Variants in NELL2 observed in about 807,000 individuals in gnomAD.
NELL2 encodes neural EGFL like 2, also known as protein kinase C-binding protein NELL2.
NELL2 carries 41 observed loss-of-function variants against 109.6 expected under a neutral mutation model. The observed-to-expected ratio is 0.37, with a 90% confidence interval of 0.29 to 0.49. The LOEUF (loss-of-function observed/expected upper bound fraction) is 0.49, where lower values mean the gene tolerates loss of function less well. Among genes scored for constraint, NELL2 ranks in the 20% least tolerant of loss-of-function variants. The pLI is 0.98. For missense variants in NELL2, 900 were observed against 1,008.3 expected, an observed-to-expected ratio of 0.89 and a Z score of 1.45; for synonymous variants, 355 against 344.7, an observed-to-expected ratio of 1.03 and a Z score of -0.33.
chr12:44,830,887 C>T (rs1943866300), intron 2 of NELL2, among the ~76,000 whole-genome samples: 1 of 151,820 alleles, frequency 6.6e-6, no homozygotes, highest in South Asian at 2.1e-4. Flanking sequence ...AAATCTCATT[C>T]TCTCCCTCTC....
chr12:44,646,189 C>T (rs1947089665), intron 13 of NELL2, among the ~76,000 whole-genome samples: 1 of 152,020 alleles, frequency 6.6e-6, no homozygotes, highest in Non-Finnish European at 1.5e-5. Context: ...TATATTAACT[C>T]ATCTAATCCT....
intron 12 of NELL2, among the ~76,000 whole-genome samples, chr12:44,679,612 T>A (rs1948429966): frequency 1.3e-5 from 2 of 152,038 alleles, no homozygotes; most frequent in South Asian, 4.1e-4. Flanking sequence ...GTTTCCCAAA[T>A]GCCTGCTTTA....
intron 1 of NELL2, among the ~76,000 whole-genome samples, chr12:44,886,857 C>T (rs1945479195): frequency 6.6e-6 from 1 of 151,966 alleles, no homozygotes; most frequent in African/African-American, 2.4e-5. Context: ...AATATAATCT[C>T]TGTCTTTATG....
At chr12:44,698,831 G>T (rs899559367) in intron 12 of NELL2, among the ~76,000 whole-genome samples, 1 of 152,080 alleles carries the variant, frequency 6.6e-6, no homozygotes, top group Non-Finnish European at 1.5e-5. Flanking sequence ...TTGGTATAAT[G>T]TCAAAGGCTT....
At chr12:44,723,901 A>G (rs1466036864) in intron 9 of NELL2, among the ~76,000 whole-genome samples, 1 of 152,102 alleles carries the variant, frequency 6.6e-6, no homozygotes, top group East Asian at 1.9e-4. Context: ...ATATATACCC[A>G]AGGAAAATAA....
At chr12:44,768,416 T>C (rs1941419181) in intron 9 of NELL2, among the ~76,000 whole-genome samples, 1 of 152,156 alleles carries the variant, frequency 6.6e-6, no homozygotes, top group Non-Finnish European at 1.5e-5. Flanking sequence ...TATTTGTCTT[T>C]AGAGAAAACA....
chr12:44,515,300 T>C (rs527923299), intron 19 of NELL2, among the ~76,000 whole-genome samples: 3 of 152,042 alleles, frequency 2.0e-5, no homozygotes, highest in African/African-American at 7.2e-5. Context: ...CAATATACTA[T>C]GTGGCTAAAT....
At chr12:44,817,987 T>C (rs899084331) in intron 2 of NELL2, among the ~76,000 whole-genome samples, 1 of 152,154 alleles carries the variant, frequency 6.6e-6, no homozygotes, top group Non-Finnish European at 1.5e-5. Flanking sequence ...GGGACAGTTG[T>C]TCAAAGTTTT....
chr12:44,913,642 T>C (rs920422900), intron 1 of NELL2, among the ~76,000 whole-genome samples: 16 of 152,128 alleles, frequency 1.1e-4, no homozygotes, highest in Admixed American at 7.9e-4. Flanking sequence ...TAACATACTA[T>C]AAAATTCGTA....
intron 15 of NELL2, among the ~76,000 whole-genome samples, chr12:44,569,923 A>G (rs1272616685): frequency 6.6e-6 from 1 of 152,120 alleles, no homozygotes; most frequent in Non-Finnish European, 1.5e-5. Flanking sequence ...ATTTCAAGGC[A>G]CTTCAACAGG....
chr12:44,510,344 A>G (rs1326378043), intron 19 of NELL2, among the ~76,000 whole-genome samples: 1 of 152,228 alleles, frequency 6.6e-6, no homozygotes, highest in Admixed American at 6.5e-5. Flanking sequence ...AAGCTTAAAT[A>G]TCATGTCCAA....
chr12:44,757,358 T>C (rs763517300), intron 9 of NELL2, among the ~76,000 whole-genome samples: 2 of 152,132 alleles, frequency 1.3e-5, no homozygotes, highest in African/African-American at 2.4e-5. Context: ...TAATACTTAA[T>C]CATGTCATAC....
intron 9 of NELL2, among the ~76,000 whole-genome samples, chr12:44,753,994 G>T (rs1265471024): frequency 6.6e-6 from 1 of 152,170 alleles, no homozygotes; most frequent in East Asian, 1.9e-4. Flanking sequence ...ATTTTGAGGT[G>T]GAAAATTCGT....
chr12:44,753,694 T>TAA (rs1940756335), intron 9 of NELL2, among the ~76,000 whole-genome samples: 1 of 152,196 alleles, frequency 6.6e-6, no homozygotes, highest in Non-Finnish European at 1.5e-5. Context: ...TATATATATA[T>TAA]AATCTGTATA....
intron 11 of NELL2, among the ~76,000 whole-genome samples, chr12:44,706,300 G>A (rs1937875178): frequency 6.6e-6 from 1 of 152,096 alleles, no homozygotes; most frequent in African/African-American, 2.4e-5. Context: ...TGAACCTACT[G>A]GTTATTTTGC....
intron 19 of NELL2, among the ~76,000 whole-genome samples, chr12:44,511,246 C>G (rs1461176603): frequency 6.6e-6 from 1 of 152,126 alleles, no homozygotes; most frequent in Admixed American, 6.6e-5. Flanking sequence ...AATAAAGCAT[C>G]CTACTTGGGT....
At chr12:44,722,392 C>T (rs1408023230) in intron 9 of NELL2, among the ~76,000 whole-genome samples, 1 of 152,124 alleles carries the variant, frequency 6.6e-6, no homozygotes. Context: ...TTTTGAAGTC[C>T]TGACCTCAAG....
chr12:44,672,952 G>C (rs615760), intron 12 of NELL2, among the ~76,000 whole-genome samples: 13 of 151,858 alleles, frequency 8.6e-5, no homozygotes, highest in African/African-American at 1.2e-4. Flanking sequence ...AAACAAAAAG[G>C]CTATTGAATA....
intron 1 of NELL2, among the ~76,000 whole-genome samples, chr12:44,887,343 C>T (rs1313349722): frequency 6.6e-6 from 1 of 151,914 alleles, no homozygotes; most frequent in Non-Finnish European, 1.5e-5. Flanking sequence ...TGAGAAGCCT[C>T]CATACTTTTC....
Sources: allele counts gnomAD v4.1 joint callset (sites outside exome capture counted in the v4.1 genomes callset), GRCh38; gene constraint gnomAD v4.1.1; transcripts MANE v1.5; gene names NCBI Gene and HGNC (gene_info 2026-07-23, HGNC 2026-07-21).